SGF29: variants seen among roughly 807,000 people sequenced by gnomAD.
The protein encoded by SGF29 is SAGA-associated factor 29.
Under a neutral mutation model 38.1 loss-of-function variants are expected in SGF29, and 15 were observed. That is an observed-to-expected ratio of 0.39 (90% CI 0.26 to 0.61). The LOEUF (loss-of-function observed/expected upper bound fraction) is 0.61. Ranked by LOEUF, SGF29 falls within the 20% of genes least tolerant of loss-of-function variation. SGF29 has a pLI of 0.49. For missense variants in SGF29, 184 were observed against 394.6 expected (o/e 0.47, Z 4.52); for synonymous variants, 151 against 160.8 (o/e 0.94, Z 0.46).
chr16:28,570,181 G>A (rs535117418), intron 1 of SGF29, among the ~76,000 whole-genome samples: 1 of 152,362 alleles, frequency 6.6e-6, no homozygotes, highest in South Asian at 2.1e-4. Flanking sequence ...AACAAGTGAG[G>A]GCTGTTGCAT....
At position 28,590,544 on chromosome 16, in the gene SGF29, G is replaced by A; in HGVS notation, c.567-87G>A. 1.2e-6 allele frequency: 2 copies of A among 1,612,304 alleles called. No homozygotes were observed. The highest frequency in any genetic ancestry group is 1.7e-6 in the Non-Finnish European group (2 of 1,179,354). On this transcript the variant is annotated intron_variant, in intron 7 of 9. Transcript: ENST00000317058. This position sits in a 1 kb window ranked among gnomAD's most constrained non-coding sequence, Gnocchi z 8.2. Reference sequence around the variant, plus strand: ...GTGCTCCCCAGAGGCTGGTTGTGCAGGGAGCACCAGGTCCTCCCCCATCCT... The same window carrying A: ...GTGCTCCCCAGAGGCTGGTTGTGCAAGGAGCACCAGGTCCTCCCCCATCCT...
chr16:28,555,301 TAA>T (rs142397858), intron 1 of SGF29, among the ~76,000 whole-genome samples: 4 of 136,884 alleles, frequency 2.9e-5, no homozygotes, highest in African/African-American at 2.7e-5. Context: ...CAGTCTCTTC[TAA>T]AAAAAAAAAA....
intron 3 of SGF29, chr16:28,585,343 T>TA (rs2046950476): frequency 1.9e-6 from 1 of 533,476 alleles, no homozygotes; most frequent in African/African-American, 1.9e-5. Flanking sequence ...GGGGCTTTCT[T>TA]ACTCTGGGTA....
intron 4 of SGF29, among the ~76,000 whole-genome samples, chr16:28,587,478 C>T (rs772769146): frequency 3.3e-5 from 5 of 152,240 alleles, no homozygotes; most frequent in Non-Finnish European, 7.3e-5. Context: ...CCTGAGGTGG[C>T]ACTGGCTGGG....
At position 28,556,393 on chromosome 16, in the gene SGF29, G is replaced by A. The variant is rs1026761105; in HGVS notation, c.-16+2296G>A. 5.9e-5 allele frequency among the ~76,000 whole-genome samples: 9 copies of A among 152,172 alleles called. 1 individual carries two copies. Among genetic ancestry groups the A allele is most frequent in the Admixed American group, 4.6e-4 (7 of 15,278 alleles). ...CGGAGTTTCACTCTTTGTTGCCCAG[G>A]CTGGATTGCAATGGCGCAATCATGG... On this transcript the variant is annotated intron_variant, in intron 1 of 9. Transcript: ENST00000317058.
chr16:28,590,814 A>G lies in SGF29; in HGVS notation c.644A>G (p.Gln215Arg). Residue 215 changes from glutamine to arginine, a missense_variant, in exon 9 of 10, where the codon CAG becomes CGG. Coordinates refer to ENST00000317058, the MANE Select transcript of SGF29 (RefSeq NM_138414.3). The surrounding 1 kb of genome is among the most constrained non-coding windows in gnomAD (Gnocchi z 8.2). ...LSRRRVIPLP[Q>R]WKANPETDPE... is the part of the protein sequence containing the mutation. ...CGGCGCCGTGTCATCCCGCTGCCCCAGTGGAAGGCCAACCCGGAGACGGAC... is the reference window on the plus strand; with the variant it reads ...CGGCGCCGTGTCATCCCGCTGCCCCGGTGGAAGGCCAACCCGGAGACGGAC... 6.2e-7 allele frequency: 1 copy of G among 1,613,976 alleles called. No individual in the cohort carries two copies. Among genetic ancestry groups the G allele is most frequent in the Non-Finnish European group, 8.5e-7 (1 of 1,179,956 alleles).
intron 1 of SGF29, among the ~76,000 whole-genome samples, chr16:28,572,041 A>G (rs112191041): frequency 0.32 from 48,830 of 152,046 alleles, 8,667 homozygotes; most frequent in Non-Finnish European, 0.38. Context: ...GTGCAGTGGC[A>G]CAATCTCGGC....
In SGF29 at chr16:28,581,043, C is replaced by T; in HGVS notation, c.-15-12C>T. The T allele has an allele frequency of 1.9e-6, 3 of 1,606,234 alleles. No homozygotes were observed. The highest frequency in any genetic ancestry group is 2.6e-6 in the Non-Finnish European group (3 of 1,173,746). On this transcript the variant is annotated splice_polypyrimidine_tract_variant and intron_variant, in intron 1 of 9. Transcript: ENST00000317058. ...CTAACAGAGTTCTCTTCTGTCCTCGCTCCCCCACCAGGTGCCCCTGTAGAC... is the reference window on the plus strand; with the variant it reads ...CTAACAGAGTTCTCTTCTGTCCTCGTTCCCCCACCAGGTGCCCCTGTAGAC...
rs1037108415 is a variant in SGF29 at position 28,554,034 on chromosome 16, A to G, written c.-79A>G. 3 of 152,330 alleles carry G rather than the reference A, an allele frequency of 2.0e-5. No homozygotes were observed. Among genetic ancestry groups the G allele is most frequent in the African/African-American group, 7.2e-5 (3 of 41,458 alleles). The allele number at this position is 152,330 out of a possible 1,614,324, so 9.4% of individuals were successfully genotyped here. ...TCCGCAGACTCCGAAAAAGGGTTCG[A>G]GGAACGCGCCTGCTCCCCTCGTCGC... is the stretch of plus-strand genomic sequence containing the variant. On this transcript the variant is annotated 5_prime_UTR_variant, in exon 1 of 10. Coordinates refer to ENST00000317058, the MANE Select transcript of SGF29 (RefSeq NM_138414.3).
intron 1 of SGF29, among the ~76,000 whole-genome samples, chr16:28,572,093 C>T (rs1447713966): frequency 4.6e-5 from 7 of 152,082 alleles, no homozygotes; most frequent in Non-Finnish European, 1.0e-4. Context: ...CATTCTGCCT[C>T]AGCCTCCCGA....
At chr16:28,587,724 A>T (rs1220054714) in intron 4 of SGF29, among the ~76,000 whole-genome samples, 1 of 152,222 alleles carries the variant, frequency 6.6e-6, no homozygotes, top group Non-Finnish European at 1.5e-5. Context: ...TTGCCAGAGG[A>T]ATGGACTGGG....
intron 1 of SGF29, among the ~76,000 whole-genome samples, chr16:28,579,536 A>T (rs889465096): frequency 1.3e-5 from 2 of 151,092 alleles, no homozygotes; most frequent in African/African-American, 4.9e-5. Context: ...GATTACAGGC[A>T]TGAGCCACCA....
chr16:28,554,300 C>T (rs940270017), intron 1 of SGF29, among the ~76,000 whole-genome samples: 2 of 152,100 alleles, frequency 1.3e-5, no homozygotes, highest in African/African-American at 4.8e-5. Context: ...GGAGGGCGGG[C>T]CCTGCGCCCG....
intron 1 of SGF29, among the ~76,000 whole-genome samples, chr16:28,556,907 CA>C: frequency 6.6e-6 from 1 of 152,312 alleles, no homozygotes; most frequent in African/African-American, 2.4e-5. Context: ...TTCGGCCTCC[CA>C]AAATGCTGGG....
intron 1 of SGF29, among the ~76,000 whole-genome samples, chr16:28,570,158 G>A (rs1396490110): frequency 1.3e-5 from 2 of 152,218 alleles, no homozygotes; most frequent in East Asian, 3.9e-4. Flanking sequence ...GAGAGCCACA[G>A]GCATGCAACT....
chr16:28,576,278 G>A (rs1023200931), intron 1 of SGF29, among the ~76,000 whole-genome samples: 3 of 152,030 alleles, frequency 2.0e-5, no homozygotes, highest in East Asian at 1.9e-4. Flanking sequence ...AGGGAGAAGC[G>A]GGAAAGATAA....
At chr16:28,568,797 C>T (rs1011834485) in intron 1 of SGF29, among the ~76,000 whole-genome samples, 2 of 152,066 alleles carry the variant, frequency 1.3e-5, no homozygotes, top group Non-Finnish European at 2.9e-5. Flanking sequence ...CCTGCAATCT[C>T]AGCTACTTGG....
intron 1 of SGF29, among the ~76,000 whole-genome samples, chr16:28,570,176 G>T (rs2046856802): frequency 6.6e-6 from 1 of 152,236 alleles, no homozygotes; most frequent in Non-Finnish European, 1.5e-5. Context: ...ACTCCAACAA[G>T]TGAGGGCTGT....
chr16:28,568,126 A>C (rs1027054312), intron 1 of SGF29, among the ~76,000 whole-genome samples: 1 of 151,868 alleles, frequency 6.6e-6, no homozygotes, highest in Non-Finnish European at 1.5e-5. Context: ...CAGGCTGACC[A>C]ACATGGTGAA....
Sources: allele counts gnomAD v4.1 joint callset (sites outside exome capture counted in the v4.1 genomes callset), GRCh38; gene constraint gnomAD v4.1.1; non-coding constraint Gnocchi (gnomAD v3.1); transcripts MANE v1.5; gene names NCBI Gene and HGNC (gene_info 2026-07-23, HGNC 2026-07-21).